The following TRHDE variants were observed in gnomAD, a reference collection of about 807,000 sequenced individuals.
TRHDE encodes the protein thyrotropin releasing hormone degrading enzyme.
Under a neutral mutation model 125.7 loss-of-function variants are expected in TRHDE, and 72 were observed. The observed-to-expected ratio is 0.57, with a 90% CI of 0.47 to 0.70. TRHDE has a LOEUF of 0.70. TRHDE is among the 30% of genes least tolerant of loss of function. The probability of loss-of-function intolerance (pLI) is 0.00; values close to 1 mark genes in which losing one functional copy is unlikely to be tolerated. For synonymous variants in TRHDE, 509 were observed against 509.1 expected (o/e 1.00, Z 0.00); for missense variants, 1,110 against 1,327.1 (o/e 0.84, Z 2.54).
chr12:72,532,494 A>G (rs888321452), intron 6 of TRHDE, among the ~76,000 whole-genome samples: 4 of 151,122 alleles, frequency 2.6e-5, no homozygotes, highest in African/African-American at 4.8e-5. Flanking sequence ...CAACTTTAAG[A>G]AGAATGCATC....
chr12:72,300,365 T>TACAC (rs10642447), intron 2 of TRHDE, among the ~76,000 whole-genome samples: 116 of 102,748 alleles, frequency 1.1e-3, no homozygotes, highest in African/African-American at 2.5e-3. Context: ...TATATGTGTA[T>TACAC]ACACACACAC....
chr12:72,108,540 GCTT>G (rs1396741775), intron 2 of TRHDE, among the ~76,000 whole-genome samples: 3 of 152,078 alleles, frequency 2.0e-5, no homozygotes, highest in Non-Finnish European at 4.4e-5. Context: ...GTGAGTGCCA[GCTT>G]CTTCTTCGAT....
intron 15 of TRHDE, among the ~76,000 whole-genome samples, chr12:72,640,092 C>T (rs1237522913): frequency 6.6e-6 from 1 of 152,194 alleles, no homozygotes; most frequent in African/African-American, 2.4e-5. Context: ...GGTGGACGCC[C>T]CTCCCCCAGC....
chr12:72,500,862 T>TC (rs1394342349), intron 6 of TRHDE, among the ~76,000 whole-genome samples: 11 of 149,890 alleles, frequency 7.3e-5, no homozygotes, highest in African/African-American at 2.7e-4. Flanking sequence ...TTTTTTTTTT[T>TC]TTTTTTTTTT....
intron 9 of TRHDE, among the ~76,000 whole-genome samples, chr12:72,564,909 A>C (rs984515588): frequency 6.6e-6 from 1 of 151,464 alleles, no homozygotes; most frequent in Non-Finnish European, 1.5e-5. Flanking sequence ...CTCGTGACCC[A>C]CCCGCCTCGG....
chr12:72,282,356 CTTG>C (rs571928967), intron 1 of TRHDE, among the ~76,000 whole-genome samples: 32 of 152,104 alleles, frequency 2.1e-4, no homozygotes, highest in Non-Finnish European at 4.1e-4. Context: ...TCACTCCAAA[CTTG>C]TTATTTTTTT....
chr12:72,558,702 T>G (rs750738291), intron 7 of TRHDE, among the ~76,000 whole-genome samples: 8 of 152,080 alleles, frequency 5.3e-5, no homozygotes, highest in Non-Finnish European at 1.2e-4. Context: ...AAAGTGGGAA[T>G]CTTGGAGTAT....
intron 5 of TRHDE, among the ~76,000 whole-genome samples, chr12:72,479,826 C>A (rs1197574739): frequency 1.4e-5 from 2 of 145,474 alleles, no homozygotes; most frequent in African/African-American, 5.1e-5. Context: ...CCCCACCCCA[C>A]AACAGTCCCC....
intron 3 of TRHDE, among the ~76,000 whole-genome samples, chr12:72,420,631 C>T (rs535615000): frequency 6.6e-6 from 1 of 152,140 alleles, no homozygotes; most frequent in African/African-American, 2.4e-5. Context: ...ATTAAATTAC[C>T]ATTGAAATAG....
intron 3 of TRHDE, among the ~76,000 whole-genome samples, chr12:72,411,963 T>C (rs1873529516): frequency 6.6e-6 from 1 of 152,142 alleles, no homozygotes; most frequent in Non-Finnish European, 1.5e-5. Flanking sequence ...TCTCACACCA[T>C]ATAAAAACTG....
chr12:72,563,794 G>A (rs927276905), intron 9 of TRHDE, among the ~76,000 whole-genome samples: 1 of 151,782 alleles, frequency 6.6e-6, no homozygotes, highest in African/African-American at 2.4e-5. Flanking sequence ...GTTCCAGTGA[G>A]GGCTGGGGGC....
intron 5 of TRHDE, among the ~76,000 whole-genome samples, chr12:72,493,298 G>A (rs570588234): frequency 6.6e-6 from 1 of 151,914 alleles, no homozygotes; most frequent in East Asian, 1.9e-4. Flanking sequence ...ATCTATATTT[G>A]CATCTACATA....
intron 3 of TRHDE, among the ~76,000 whole-genome samples, chr12:72,404,642 C>A (rs1873190673): frequency 6.6e-6 from 1 of 152,006 alleles, no homozygotes; most frequent in South Asian, 2.1e-4. Context: ...TTTATAAAAC[C>A]ATCAGATCTC....
Position 72,666,481 on chromosome 12 carries a change from A to G in TRHDE, c.*3286A>G, listed in dbSNP as rs539232090. On this transcript the variant is annotated 3_prime_UTR_variant, in exon 19 of 19. Transcript: ENST00000261180. ...GGTGGGAGAATTATTTAAGTCCAAA[A>G]GTTCAGTGCTCTAGTGAGCTATGAT... The G allele has an allele frequency of 6.6e-6, 1 of 152,214 alleles. No homozygotes were observed. The highest frequency in any genetic ancestry group is 1.5e-5 in the Non-Finnish European group (1 of 67,994). 9.4% of individuals were successfully genotyped at this position (152,214 alleles called of 1,614,324 possible).
chr12:72,231,851 A>T (rs1471804502), intron 2 of TRHDE, among the ~76,000 whole-genome samples: 1 of 152,126 alleles, frequency 6.6e-6, no homozygotes, highest in Non-Finnish European at 1.5e-5. Flanking sequence ...CTGGAGTAGA[A>T]TTTTTTTGCC....
intron 2 of TRHDE, among the ~76,000 whole-genome samples, chr12:72,118,367 A>G (rs751970772): frequency 6.6e-5 from 10 of 152,092 alleles, no homozygotes; most frequent in Non-Finnish European, 1.3e-4. Context: ...TTTGATTTAC[A>G]TATGTTGAAC....
At position 72,124,588 on chromosome 12, in the gene TRHDE, T is replaced by C. The variant is rs9804852; in HGVS notation, n.279+18836T>C. Among the ~76,000 whole-genome samples the C allele has an allele frequency of 4.4e-3, 671 of 152,332 alleles. 7 individuals carry two copies. The highest frequency in any genetic ancestry group is 0.015 in the African/African-American group (637 of 41,578). ...AATGTCAAGGATCTACATTTTATGGTATTATCTATGTAATTCTTTGTTAAT... is the reference window on the plus strand; with the variant it reads ...AATGTCAAGGATCTACATTTTATGGCATTATCTATGTAATTCTTTGTTAAT... On this transcript the variant is annotated intron_variant and non_coding_transcript_variant, in intron 2 of 4. Transcript: ENST00000548156.
chr12:72,239,793 A>G lies in TRHDE; in HGVS notation n.279+134041A>G, dbSNP rs114132618. ...TCCTAAATAAAACTGAGATACTATC[A>G]TAAGAGACAAAAGTCTTGAATAGAT... On this transcript the variant is annotated intron_variant and non_coding_transcript_variant, in intron 2 of 4. Transcript: ENST00000548156. Among the ~76,000 whole-genome samples the G allele has an allele frequency of 6.2e-3, 951 of 152,368 alleles. 11 individuals carry two copies. The highest frequency in any genetic ancestry group is 0.022 in the African/African-American group (916 of 41,580).
intron 6 of TRHDE, among the ~76,000 whole-genome samples, chr12:72,506,005 A>T (rs781422616): frequency 1.3e-5 from 2 of 152,214 alleles, no homozygotes; most frequent in East Asian, 3.9e-4. Flanking sequence ...CCTTTCTTCA[A>T]CAATGCAACC....
Sources: gnomAD v4.1 joint callset for allele counts (sites outside exome capture counted in the v4.1 genomes callset) on GRCh38, gnomAD v4.1.1 for gene constraint, MANE v1.5 for transcripts, NCBI Gene and HGNC (gene_info 2026-07-23, HGNC 2026-07-21) for gene names.